FAT1: variants seen among roughly 807,000 people sequenced by gnomAD.
FAT1 encodes FAT atypical cadherin 1, also known as protocadherin Fat 1.
Under a neutral mutation model 329.8 loss-of-function variants are expected in FAT1, and 171 were observed. The observed-to-expected ratio is 0.52, with a 90% CI of 0.46 to 0.59. FAT1 has a LOEUF of 0.59. Among genes scored for constraint, FAT1 ranks in the 20% least tolerant of loss-of-function variants. FAT1 has a pLI of 0.00. For missense variants in FAT1, 5,672 were observed against 5,774.4 expected (o/e 0.98, Z 0.57); for synonymous variants, 2,233 against 2,228.6 (o/e 1.00, Z -0.06).
intron 2 of FAT1, among the ~76,000 whole-genome samples, chr4:186,680,582 C>T (rs1299579114): frequency 1.2e-4 from 18 of 152,154 alleles, no homozygotes; most frequent in Admixed American, 1.2e-3. Context: ...CCTCATAAAG[C>T]TCCAAGACCA....
intron 2 of FAT1, among the ~76,000 whole-genome samples, chr4:186,673,189 G>A (rs1579427643): frequency 6.6e-6 from 1 of 152,142 alleles, no homozygotes; most frequent in Admixed American, 6.6e-5. Flanking sequence ...AAGGTGATCA[G>A]CAGATAAATC....
chr4:186,686,824 A>G, intron 2 of FAT1, among the ~76,000 whole-genome samples: 1 of 152,240 alleles, frequency 6.6e-6, no homozygotes, highest in East Asian at 1.9e-4. Context: ...CTATGGACAC[A>G]GGTGAGTGAA....
Position 186,707,492 on chromosome 4 carries a change from G to A in FAT1, c.2336C>T (p.Pro779Leu), listed in dbSNP as rs1290556475. 1.9e-6 allele frequency: 3 copies of A among 1,613,966 alleles called. No homozygotes were observed. The highest frequency in any genetic ancestry group is 1.7e-5 in the Admixed American group (1 of 60,026). Reference protein sequence around the residue: ...METGMLKILSPLDRETTDKYT... With the variant: ...METGMLKILSLLDRETTDKYT... The stretch of plus-strand genomic sequence containing the variant: ...TTTGTCTGTTGTTTCACGGTCAAGA[G>A]GAGATAAAATTTTCAGCATTCCTGT... Residue 779 changes from proline (P) to leucine (L), a missense_variant, in exon 2 of 27, where the codon CCT becomes CTT. By Grantham distance (98) the Pro-to-Leu change is moderately conservative. Transcript: ENST00000441802.
intron 2 of FAT1, among the ~76,000 whole-genome samples, chr4:186,704,263 A>C (rs1030345088): frequency 6.6e-5 from 10 of 152,090 alleles, no homozygotes; most frequent in African/African-American, 1.9e-4. Flanking sequence ...CCACTAAATT[A>C]CTACTGGAAA....
intron 6 of FAT1, among the ~76,000 whole-genome samples, chr4:186,634,757 A>G (rs1312712546): frequency 6.6e-6 from 1 of 152,278 alleles, no homozygotes; most frequent in East Asian, 1.9e-4. Context: ...AGGTCGGGTC[A>G]CAAGTCATCT....
At chr4:186,615,191 T>TA (rs111525966) in intron 11 of FAT1, among the ~76,000 whole-genome samples, 62,841 of 151,668 alleles carry the variant, frequency 0.41, 13,442 homozygotes, top group African/African-American at 0.49. Flanking sequence ...ATCAAAGGGC[T>TA]AAAAAACAAC....
chr4:186,608,624 T>G (rs538064446), intron 16 of FAT1, among the ~76,000 whole-genome samples: 45 of 152,276 alleles, frequency 3.0e-4, no homozygotes, highest in Middle Eastern at 3.4e-3. Flanking sequence ...GGGGAGCAAC[T>G]GACCTTCCTC....
At chr4:186,594,158 C>T (rs1056675245) in intron 26 of FAT1, among the ~76,000 whole-genome samples, 3 of 152,010 alleles carry the variant, frequency 2.0e-5, no homozygotes, top group African/African-American at 4.8e-5. Context: ...CTACAACTCC[C>T]GGGCTCAGGC....
chr4:186,617,186 C>T lies in FAT1; in HGVS notation c.8894G>A (p.Gly2965Glu). The T allele has an allele frequency of 1.3e-6, 2 of 1,597,006 alleles. No individual in the cohort carries two copies. Among genetic ancestry groups the T allele is most frequent in the Middle Eastern group, 1.7e-4 (1 of 6,006 alleles). Reference sequence around the variant, plus strand: ...CTGTATAGTTTCAACGGCAAACTGTCCTAAAGGATCCCCTCCTATTAAATC... The same window carrying T: ...CTGTATAGTTTCAACGGCAAACTGTTCTAAAGGATCCCCTCCTATTAAATC... ...TYFITGGDPL[G>E]QFAVETIQNE... The change falls in exon 11 of 27, where the codon GGA becomes GAA. Residue 2965 changes from glycine to glutamate, a missense_variant. By Grantham distance (98) the Gly-to-Glu change is moderately conservative. Coordinates refer to ENST00000441802, the MANE Select transcript of FAT1 (RefSeq NM_005245.4).
Position 186,617,695 on chromosome 4 carries a change from GAATTTT to G in FAT1, c.8878+7_8878+12del, listed in dbSNP as rs773591259. The G allele has an allele frequency of 5.9e-6, 9 of 1,532,524 alleles. No homozygotes were observed. Among genetic ancestry groups the G allele is most frequent in the Non-Finnish European group, 7.9e-6 (9 of 1,137,862 alleles). The allele number at this position is 1,532,524 out of a possible 1,614,324, so 94.9% of individuals were successfully genotyped here. A position where few individuals can be genotyped will look rare whatever the true frequency, so the allele number is the denominator to read the frequency against. On this transcript the variant is annotated splice_region_variant and intron_variant, in intron 10 of 26. Coordinates refer to ENST00000441802, the MANE Select transcript of FAT1 (RefSeq NM_005245.4). Reference sequence around the variant, plus strand: ...TTAAATTAATTAAACCGTTTGGTATGAATTTTTTTTACCTGTTATGAAATATGTAAC... The same window carrying G: ...TTAAATTAATTAAACCGTTTGGTATGTTTTACCTGTTATGAAATATGTAAC...
At chr4:186,601,619 G>T in intron 20 of FAT1, 193 bp from the exon 21 acceptor site, 1 of 441,290 alleles carries the variant, frequency 2.3e-6, no homozygotes, top group African/African-American at 1.9e-5. Flanking sequence ...TGTTTGGAAA[G>T]AATAAATTTG....
At chr4:186,595,296 GGT>G (rs34794741) in intron 26 of FAT1, among the ~76,000 whole-genome samples, 33,294 of 149,720 alleles carry the variant, frequency 0.22, 4,565 homozygotes, top group African/African-American at 0.4. Flanking sequence ...TCTTAGAGGG[GGT>G]GTGTGTGTGT....
At chr4:186,684,244 C>T (rs1210536516) in intron 2 of FAT1, among the ~76,000 whole-genome samples, 1 of 152,164 alleles carries the variant, frequency 6.6e-6, no homozygotes, top group Non-Finnish European at 1.5e-5. Flanking sequence ...ACTACATTCT[C>T]TTGTTGTTTA....
chr4:186,604,737 T>G (rs1739011490), intron 17 of FAT1, among the ~76,000 whole-genome samples, 163 bp from the exon 18 acceptor site: 2 of 150,744 alleles, frequency 1.3e-5, no homozygotes, highest in Admixed American at 6.6e-5. Flanking sequence ...AGTGTGGTGG[T>G]GAGGAGGAGG....
chr4:186,699,545 C>A (rs575687981), intron 2 of FAT1, among the ~76,000 whole-genome samples: 1 of 152,116 alleles, frequency 6.6e-6, no homozygotes, highest in African/African-American at 2.4e-5. Flanking sequence ...TGGAGAACTG[C>A]CAATTCAACA....
chr4:186,588,126 T>C lies in FAT1; in HGVS notation c.*466A>G, dbSNP rs1017074424. 24 of 174,810 alleles carry C rather than the reference T, an allele frequency of 1.4e-4. No individual in the cohort carries two copies. Among genetic ancestry groups the C allele is most frequent in the Admixed American group, 9.8e-4 (12 of 12,258 alleles). 10.8% of individuals were successfully genotyped at this position (174,810 alleles called of 1,614,324 possible). A position where few individuals can be genotyped will look rare whatever the true frequency, so the allele number is the denominator to read the frequency against. On this transcript the variant is annotated 3_prime_UTR_variant, in exon 27 of 27. Coordinates refer to ENST00000441802, the MANE Select transcript of FAT1 (RefSeq NM_005245.4). The stretch of plus-strand genomic sequence containing the variant: ...AAAAGACAGAATGAAACCCTGGTTA[T>C]AGTAAAAAAAAAAAAATCAGGGTGC...
chr4:186,621,473 T>C lies in FAT1; in HGVS notation c.5113A>G (p.Asn1705Asp), dbSNP rs753468356. The C allele has an allele frequency of 3.1e-6, 5 of 1,613,916 alleles. No homozygotes were observed. The highest frequency in any genetic ancestry group is 4.2e-6 in the Non-Finnish European group (5 of 1,179,894). ...SSVVYEIKDG[N>D]TGDAFDINPH... ...TTAATATCAAAAGCATCACCTGTAT[T>C]TCCATCTTTTATTTCATACACCACT... is the stretch of plus-strand genomic sequence containing the variant. The change falls in exon 10 of 27, where the codon AAT becomes GAT. Residue 1705 changes from asparagine (N) to aspartate (D), a missense_variant. Around this residue, in one of 2 missense-constraint regions of FAT1, gnomAD observed 3,966 missense variants for 3,915.2 expected, o/e 1.01. Transcript: ENST00000441802.
At chr4:186,612,096 A>C (rs1739475284) in intron 13 of FAT1, among the ~76,000 whole-genome samples, 1 of 149,240 alleles carries the variant, frequency 6.7e-6, no homozygotes, top group Non-Finnish European at 1.5e-5. Flanking sequence ...GGCGTGAGCC[A>C]CCGCACCCGG....
At position 186,588,338 on chromosome 4, in the gene FAT1, C is replaced by T. The variant is rs7680937; in HGVS notation, c.*254G>A. 9,113 of 460,638 alleles carry T rather than the reference C, an allele frequency of 0.02. 323 individuals are homozygous for T. Among genetic ancestry groups the T allele is most frequent in the African/African-American group, 0.095 (4,932 of 51,950 alleles). The allele number at this position is 460,638 out of a possible 1,614,324, so 28.5% of individuals were successfully genotyped here. ...TGCTGACAACACAGGACTGATTTTT[C>T]GTTTGATTATTTTAACACAGACAGA... On this transcript the variant is annotated 3_prime_UTR_variant, in exon 27 of 27. Transcript: ENST00000441802.
Sources: allele counts gnomAD v4.1 joint callset (sites outside exome capture counted in the v4.1 genomes callset), GRCh38; gene constraint gnomAD v4.1.1; regional missense constraint gnomAD v4.1.1; transcripts MANE v1.5; gene names NCBI Gene and HGNC (gene_info 2026-07-23, HGNC 2026-07-21).